The following RCAN2 variants were observed in gnomAD, a reference collection of about 807,000 sequenced individuals.
RCAN2 encodes calcipressin-2.
A neutral mutation model predicts 23.6 loss-of-function variants in RCAN2; 9 were observed. The ratio of observed to expected loss-of-function variants is 0.38; its 90% CI spans 0.23 to 0.67. The LOEUF (loss-of-function observed/expected upper bound fraction) is 0.67. Among genes scored for constraint, RCAN2 ranks in the 30% least tolerant of loss-of-function variants. The probability of loss-of-function intolerance (pLI) is 0.51; values close to 1 mark genes in which losing one functional copy is unlikely to be tolerated. For missense variants in RCAN2, 273 were observed against 302.3 expected (o/e 0.90, Z 0.72); for synonymous variants, 109 against 115.7 (o/e 0.94, Z 0.37).
chr6:46,263,213 T>G (rs763679105), intron 2 of RCAN2, among the ~76,000 whole-genome samples: 8 of 152,200 alleles, frequency 5.3e-5, no homozygotes, highest in Non-Finnish European at 1.0e-4. Context: ...ATGAATTTGT[T>G]CTTTTCTTCA....
intron 2 of RCAN2, among the ~76,000 whole-genome samples, chr6:46,360,321 A>C (rs550335099): frequency 1.3e-5 from 2 of 152,086 alleles, no homozygotes. Context: ...TCATGAGGTC[A>C]GGAGGTGGAG....
intron 2 of RCAN2, among the ~76,000 whole-genome samples, chr6:46,266,374 A>G (rs562254475): frequency 6.6e-6 from 1 of 152,280 alleles, no homozygotes; most frequent in Admixed American, 6.5e-5. Flanking sequence ...TTATCATGTT[A>G]TCTGCACGTT....
At chr6:46,426,559 G>A (rs1220248606) in intron 2 of RCAN2, among the ~76,000 whole-genome samples, 2 of 152,180 alleles carry the variant, frequency 1.3e-5, no homozygotes, top group Non-Finnish European at 2.9e-5. Flanking sequence ...TTTTGAATGA[G>A]AGGAACAGCT....
In RCAN2 at chr6:46,489,574, G is replaced by A. The variant is rs192450018; in HGVS notation, c.-3+1599C>T. ...GATTACACAAGTGGTTTTTAACACCGTGATGTGCACTTACAAATGAGAAAG... is the reference window on the plus strand; with the variant it reads ...GATTACACAAGTGGTTTTTAACACCATGATGTGCACTTACAAATGAGAAAG... On this transcript the variant is annotated intron_variant, in intron 1 of 4. Transcript: ENST00000371374. Among the ~76,000 whole-genome samples the A allele has an allele frequency of 7.2e-5, 11 of 152,348 alleles. No homozygotes were observed. In the East Asian group the frequency reaches 1.2e-3, roughly 16 times the overall value.
intron 2 of RCAN2, among the ~76,000 whole-genome samples, chr6:46,271,310 A>G (rs534362052): frequency 5.9e-5 from 9 of 152,348 alleles, no homozygotes; most frequent in African/African-American, 1.9e-4. Flanking sequence ...TAACGACAGT[A>G]TAATGACAGA....
At chr6:46,309,800 A>C (rs368242069) in intron 2 of RCAN2, among the ~76,000 whole-genome samples, 2 of 152,314 alleles carry the variant, frequency 1.3e-5, no homozygotes, top group South Asian at 2.1e-4. Context: ...GATAGTTTTT[A>C]ATGTCAAATC....
chr6:46,403,360 G>A (rs975564282), intron 2 of RCAN2, among the ~76,000 whole-genome samples: 8 of 152,172 alleles, frequency 5.3e-5, no homozygotes, highest in South Asian at 2.1e-4. Context: ...ATCACCTGAG[G>A]TCAGGAGTTC....
At chr6:46,317,640 A>AT (rs879490790) in intron 2 of RCAN2, among the ~76,000 whole-genome samples, 2 of 151,002 alleles carry the variant, frequency 1.3e-5, no homozygotes, top group African/African-American at 4.9e-5. Flanking sequence ...TTTTTTTTGT[A>AT]TTTTTTAGTA....
chr6:46,489,858 A>G (rs1251743585), intron 1 of RCAN2, among the ~76,000 whole-genome samples: 5 of 152,210 alleles, frequency 3.3e-5, no homozygotes, highest in Non-Finnish European at 7.3e-5. Flanking sequence ...GACTAATTGA[A>G]CTCAATGGCT....
intron 2 of RCAN2, among the ~76,000 whole-genome samples, chr6:46,326,673 C>T (rs1049608415): frequency 3.3e-5 from 5 of 152,212 alleles, no homozygotes; most frequent in Non-Finnish European, 5.9e-5. Context: ...AACTCACTAA[C>T]ATTGTAGCAG....
intron 2 of RCAN2, among the ~76,000 whole-genome samples, chr6:46,327,164 T>C (rs991750974): frequency 6.6e-6 from 1 of 152,174 alleles, no homozygotes; most frequent in East Asian, 1.9e-4. Context: ...AGATAAGACA[T>C]GGAGACCAAC....
chr6:46,264,602 A>T (rs1222249953), intron 2 of RCAN2, among the ~76,000 whole-genome samples: 4 of 152,214 alleles, frequency 2.6e-5, no homozygotes. Flanking sequence ...TAAGATTTGA[A>T]ACAAAAATGA....
At chr6:46,332,588 C>A (rs939435869) in intron 2 of RCAN2, among the ~76,000 whole-genome samples, 1 of 151,620 alleles carries the variant, frequency 6.6e-6, no homozygotes, top group Non-Finnish European at 1.5e-5. Context: ...TGATAGTTTA[C>A]TGAGAATGAT....
rs927106655 is a variant in RCAN2 at position 46,459,227 on chromosome 6, T to C, written c.-2-2249A>G. 5.3e-5 allele frequency among the ~76,000 whole-genome samples: 8 copies of C among 152,340 alleles called. No homozygotes were observed. The South Asian group carries it at 1.4e-3, about 28-fold the overall frequency. ...AACTCTTTTGATAATGAAGTCATAA[T>C]CATTCAGCAGCATACAAATAGATGC... On this transcript the variant is annotated intron_variant, in intron 1 of 4. Transcript: ENST00000371374.
At chr6:46,430,561 T>C (rs1474140648) in intron 2 of RCAN2, among the ~76,000 whole-genome samples, 1 of 151,994 alleles carries the variant, frequency 6.6e-6, no homozygotes, top group Non-Finnish European at 1.5e-5. Context: ...ATAAGAGGAA[T>C]ATATGAGTGA....
chr6:46,235,892 A>T (rs2584076), intron 4 of RCAN2, among the ~76,000 whole-genome samples: 113,521 of 152,046 alleles, frequency 0.75, 44,328 homozygotes, highest in Non-Finnish European at 0.88. Flanking sequence ...AGTTGGAGAG[A>T]TCACCTTATC....
chr6:46,491,041 C>CCGCCCT, intron 1 of RCAN2, 132 bp downstream of exon 1: 2 of 140,434 alleles, frequency 1.4e-5, no homozygotes, highest in East Asian at 4.4e-4. Flanking sequence ...GCCCCCGCCC[C>CCGCCCT]CGCCCTGCAC....
chr6:46,293,456 T>C (rs1762630444), intron 2 of RCAN2, among the ~76,000 whole-genome samples: 1 of 152,180 alleles, frequency 6.6e-6, no homozygotes. Context: ...ACTTTATATA[T>C]AGAAGCTTTA....
intron 1 of RCAN2, among the ~76,000 whole-genome samples, chr6:46,474,590 G>A (rs1256585438): frequency 6.6e-6 from 1 of 152,202 alleles, no homozygotes; most frequent in Non-Finnish European, 1.5e-5. Context: ...GTTTGGAAAG[G>A]AAGAGACAGG....
Sources: gnomAD v4.1 joint callset for allele counts (sites outside exome capture counted in the v4.1 genomes callset) on GRCh38, gnomAD v4.1.1 for gene constraint, MANE v1.5 for transcripts, NCBI Gene and HGNC (gene_info 2026-07-23, HGNC 2026-07-21) for gene names.